Variants in ARHGEF4 observed in about 807,000 individuals in gnomAD.
ARHGEF4 encodes APC-stimulated guanine nucleotide exchange factor 1.
ARHGEF4 carries 119 observed loss-of-function variants against 162.0 expected under a neutral mutation model. The ratio of observed to expected loss-of-function variants is 0.73; its 90% CI spans 0.63 to 0.86. The LOEUF is 0.86. Ranked by LOEUF, ARHGEF4 falls within the 40% of genes least tolerant of loss-of-function variation. ARHGEF4 has a pLI of 0.00. For missense variants in ARHGEF4, 2,488 were observed against 2,456.0 expected, an observed-to-expected ratio of 1.01 and a Z score of -0.28; for synonymous variants, 1,014 against 979.9, an observed-to-expected ratio of 1.03 and a Z score of -0.65.
intron 1 of ARHGEF4, among the ~76,000 whole-genome samples, chr2:130,880,560 G>A (rs561599570): frequency 6.6e-6 from 1 of 152,230 alleles, no homozygotes; most frequent in Non-Finnish European, 1.5e-5. Flanking sequence ...TTTGAAAAAG[G>A]GCTTCGGTCC....
intron 1 of ARHGEF4, among the ~76,000 whole-genome samples, chr2:130,884,942 C>T (rs1679422236): frequency 6.6e-6 from 1 of 152,098 alleles, no homozygotes; most frequent in Admixed American, 6.5e-5. Context: ...TAAATGAAGA[C>T]AAAATCTGTT....
rs1314252823 is a variant in ARHGEF4, at chr2:130,914,154, C to A, written c.208C>A (p.Pro70Thr). The change falls in exon 2 of 14, where the codon CCC becomes ACC. Residue 70 changes from proline (P) to threonine (T), a missense_variant. By Grantham distance (38) the Pro-to-Thr change is conservative. Around this residue, in one of 6 missense-constraint regions of ARHGEF4, gnomAD observed 171 missense variants for 169.4 expected, o/e 1.01. Coordinates refer to ENST00000409359, the MANE Select transcript of ARHGEF4 (RefSeq NM_001367493.1). ...AAGTGGATCAGACACAAAAACTGAC[C>A]CCTTTGAAAGTGCCTCTGACACAGA... The part of the protein sequence containing the change: ...SESGSDTKTD[P>T]FESASDTESL... The A allele has an allele frequency of 1.3e-6, 2 of 1,536,076 alleles. No homozygotes were observed. Among genetic ancestry groups the A allele is most frequent in the Middle Eastern group, 1.7e-4 (1 of 5,990 alleles).
chr2:130,983,735 C>T (rs1454574848), intron 4 of ARHGEF4, among the ~76,000 whole-genome samples: 3 of 152,010 alleles, frequency 2.0e-5, no homozygotes, highest in African/African-American at 7.3e-5. Context: ...CTGCAAGCTC[C>T]GCCTCCCGGG....
intron 4 of ARHGEF4, among the ~76,000 whole-genome samples, chr2:131,009,045 T>A (rs1688295552): frequency 6.6e-6 from 1 of 152,254 alleles, no homozygotes; most frequent in Non-Finnish European, 1.5e-5. Flanking sequence ...ATTCTCACTT[T>A]TGCCTGAGCA....
chr2:131,007,193 C>G (rs80353836), intron 4 of ARHGEF4, among the ~76,000 whole-genome samples: 1 of 152,122 alleles, frequency 6.6e-6, no homozygotes, highest in South Asian at 2.1e-4. Flanking sequence ...TGGTGGGCAC[C>G]ATTATGATCC....
intron 4 of ARHGEF4, among the ~76,000 whole-genome samples, chr2:131,006,459 C>T (rs149010931): frequency 1.3e-4 from 20 of 152,328 alleles, no homozygotes; most frequent in Non-Finnish European, 2.1e-4. Context: ...GCCTTAGCAG[C>T]GGCCCAGGAG....
chr2:130,910,065 G>A (rs1681080111), intron 1 of ARHGEF4, among the ~76,000 whole-genome samples: 1 of 152,204 alleles, frequency 6.6e-6, no homozygotes, highest in East Asian at 1.9e-4. Flanking sequence ...CTGGGGGTGG[G>A]GTTAGGGGAG....
rs1682595391 is a variant in ARHGEF4, at chr2:130,930,972, A to G, written c.3573A>G (p.Glu1191=). 1 of 1,609,078 alleles carries G rather than the reference A, an allele frequency of 6.2e-7. No homozygotes were observed. Among genetic ancestry groups the G allele is most frequent in the Non-Finnish European group, 8.5e-7 (1 of 1,176,030 alleles). ...TCCAGAACCACATGCCCTGGGAAGA[A>G]CCAGCAGGTGAGAAGCCCAGTTGCT... ...PGSENHMPWE[E]PAGEKPSCSH... is the part of the protein sequence containing the mutation. Residue 1191 remains glutamate (E), a synonymous_variant, in exon 3 of 14, where the codon GAA becomes GAG. Coordinates refer to ENST00000409359, the MANE Select transcript of ARHGEF4 (RefSeq NM_001367493.1).
chr2:131,035,518 C>T (rs1690205367), intron 5 of ARHGEF4: 3 of 442,786 alleles, frequency 6.8e-6, no homozygotes, highest in Non-Finnish European at 9.6e-6. Context: ...GCCAAAATGG[C>T]GCGTCTCTGC....
chr2:131,046,398 C>T lies in ARHGEF4; in HGVS notation c.*209C>T. 1 of 587,900 alleles carries T rather than the reference C, an allele frequency of 1.7e-6. No homozygotes were observed. 36.4% of individuals were successfully genotyped at this position (587,900 alleles called of 1,614,324 possible). On this transcript the variant is annotated 3_prime_UTR_variant, in exon 14 of 14. Coordinates refer to ENST00000409359, the MANE Select transcript of ARHGEF4 (RefSeq NM_001367493.1). Reference sequence around the variant, plus strand: ...TGCCCTGAAGAGACCAGCAAGGGGGCAGACCCCGCACTCGCCACACCGCCG... The same window carrying T: ...TGCCCTGAAGAGACCAGCAAGGGGGTAGACCCCGCACTCGCCACACCGCCG...
chr2:130,940,367 A>T (rs998218893), intron 3 of ARHGEF4, among the ~76,000 whole-genome samples: 1 of 151,932 alleles, frequency 6.6e-6, no homozygotes, highest in Non-Finnish European at 1.5e-5. Flanking sequence ...GGATAGCAAC[A>T]TCACTGCAAC....
Position 131,040,130 on chromosome 2 carries a change from GTCA to G in ARHGEF4, c.4424_4426del (p.Ile1475del). The G allele has an allele frequency of 6.2e-7, 1 of 1,613,314 alleles. No homozygotes were observed. The highest frequency in any genetic ancestry group is 1.1e-5 in the South Asian group (1 of 91,044). On this transcript the variant is annotated inframe_deletion, in exon 7 of 14. Coordinates refer to ENST00000409359, the MANE Select transcript of ARHGEF4 (RefSeq NM_001367493.1). ...CAGCAAGGACCAGATGCGGACCAAC[GTCA>G]TCAACGAGATCCTCAGCACTGAGCG...
rs556160624 is a variant in ARHGEF4 at position 131,040,106 on chromosome 2, A to C, written c.4396A>C (p.Ser1466Arg). ...AEDGGAEAQSSKDQMRTNVIN... is the reference protein window; with the variant it reads ...AEDGGAEAQSRKDQMRTNVIN... ...GGACGGCGGGGCGGAGGCGCAGAGC[A>C]GCAAGGACCAGATGCGGACCAACGT... is the stretch of plus-strand genomic sequence containing the variant. The change falls in exon 7 of 14, where the codon AGC becomes CGC. Residue 1466 changes from serine to arginine, a missense_variant. Ser to Arg is a moderately radical substitution (Grantham distance 110). Around this residue, in one of 6 missense-constraint regions of ARHGEF4, gnomAD observed 174 missense variants for 148.3 expected, o/e 1.17. Transcript: ENST00000409359. The C allele has an allele frequency of 5.6e-6, 9 of 1,611,642 alleles. No homozygotes were observed. Among genetic ancestry groups the C allele is most frequent in the Non-Finnish European group, 7.6e-6 (9 of 1,178,602 alleles).
rs1357822359 is a variant in ARHGEF4, at chr2:130,916,274, G to A, written c.2328G>A (p.Gln776=). ...GCGTCCCCGCCTTGGAGCCGCCCCA[G>A]CCGCCACGCGGGCTCCGCAAGGGCG... ...RPRVPALEPP[Q]PPRGLRKGAQ... is the part of the protein sequence containing the mutation. Residue 776 remains glutamine, a synonymous_variant, in exon 2 of 14, where the codon CAG becomes CAA. Transcript: ENST00000409359. 4.6e-6 allele frequency: 7 copies of A among 1,526,586 alleles called. No homozygotes were observed. Among genetic ancestry groups the A allele is most frequent in the East Asian group, 5.1e-5 (2 of 39,510 alleles). The allele number at this position is 1,526,586 out of a possible 1,614,324, so 94.6% of individuals were successfully genotyped here.
chr2:130,932,041 CT>C (rs1350897126), intron 3 of ARHGEF4, among the ~76,000 whole-genome samples: 1 of 152,160 alleles, frequency 6.6e-6, no homozygotes, highest in African/African-American at 2.4e-5. Flanking sequence ...TTCATCACCC[CT>C]AAAGGAAACC....
At chr2:130,946,357 T>C (rs1170391630) in intron 3 of ARHGEF4, 152 bp from the exon 4 acceptor site, 1 of 895,972 alleles carries the variant, frequency 1.1e-6, no homozygotes, top group African/African-American at 1.7e-5. Flanking sequence ...TGAGTTTTGA[T>C]GTGAAAGGCA....
chr2:130,876,911 C>T (rs1453116965), intron 1 of ARHGEF4, among the ~76,000 whole-genome samples: 1 of 152,060 alleles, frequency 6.6e-6, no homozygotes, highest in East Asian at 1.9e-4. Context: ...TCTTATTTGT[C>T]GTTTTTAGAT....
rs1349363890 is a variant in ARHGEF4 at position 130,916,070 on chromosome 2, C to A, written c.2124C>A (p.Ala708=). Reference sequence around the variant, plus strand: ...GCGATGGGGCTCTTCAGCGGGTGGCCCAGGCCGCAGAGCTTGGGAGAGTGC... The same window carrying A: ...GCGATGGGGCTCTTCAGCGGGTGGCACAGGCCGCAGAGCTTGGGAGAGTGC... ...GAGDGALQRV[A]QAAELGRVLV... is the part of the protein sequence containing the mutation. The change falls in exon 2 of 14, where the codon GCC becomes GCA. Residue 708 remains alanine, a synonymous_variant. Coordinates refer to ENST00000409359, the MANE Select transcript of ARHGEF4 (RefSeq NM_001367493.1). The A allele has an allele frequency of 6.5e-7, 1 of 1,550,252 alleles. No individual in the cohort carries two copies. Among genetic ancestry groups the A allele is most frequent in the Admixed American group, 2.0e-5 (1 of 50,990 alleles).
intron 8 of ARHGEF4, among the ~76,000 whole-genome samples, chr2:131,040,743 G>C (rs1324458850): frequency 6.6e-6 from 1 of 152,204 alleles, no homozygotes; most frequent in East Asian, 1.9e-4. Context: ...GGGCTGTTCA[G>C]AGTGAGCTCT....
Sources: gnomAD v4.1 joint callset for allele counts (sites outside exome capture counted in the v4.1 genomes callset) on GRCh38, gnomAD v4.1.1 for gene constraint, gnomAD v4.1.1 regional missense constraint, MANE v1.5 for transcripts, NCBI Gene and HGNC (gene_info 2026-07-23, HGNC 2026-07-21) for gene names.